Variants in AFF4 observed in about 807,000 individuals in gnomAD.
AFF4 encodes ALF transcription elongation factor 4.
Under a neutral mutation model 124.8 loss-of-function variants are expected in AFF4, and 13 were observed. The ratio of observed to expected loss-of-function variants is 0.10; its 90% confidence interval spans 0.07 to 0.17. The LOEUF (loss-of-function observed/expected upper bound fraction) is 0.17. Among genes scored for constraint, AFF4 ranks in the 10% least tolerant of loss-of-function variants. AFF4 has a pLI of 1.00. For synonymous variants in AFF4, 477 were observed against 496.1 expected (o/e 0.96, Z 0.51); for missense variants, 1,092 against 1,403.8 (o/e 0.78, Z 3.55).
chr5:132,945,583 C>T (rs969199457), intron 1 of AFF4: 3 of 152,212 alleles, frequency 2.0e-5, no homozygotes, highest in African/African-American at 7.2e-5. Context: ...GAAACCCCGT[C>T]TCCACTAAAA....
chr5:132,892,076 A>G (rs754196004), intron 13 of AFF4, 88 bp downstream of exon 13: 14 of 1,579,042 alleles, frequency 8.9e-6, no homozygotes, highest in Non-Finnish European at 1.0e-5. Flanking sequence ...CTGAGATGTT[A>G]CAATAATTTC....
intron 6 of AFF4, among the ~76,000 whole-genome samples, chr5:132,903,067 G>A (rs1026153496): frequency 4.6e-5 from 7 of 151,988 alleles, no homozygotes; most frequent in Admixed American, 3.9e-4. Flanking sequence ...ACAGCTTTCA[G>A]AAAAGAGAAT....
At chr5:132,929,380 G>C (rs1435362734) in intron 4 of AFF4, among the ~76,000 whole-genome samples, 1 of 152,128 alleles carries the variant, frequency 6.6e-6, no homozygotes, top group Non-Finnish European at 1.5e-5. Flanking sequence ...TAACATTAAA[G>C]AGATCATTAA....
chr5:132,932,093 G>A (rs910793896), intron 4 of AFF4, 85 bp downstream of exon 4: 2 of 901,508 alleles, frequency 2.2e-6, no homozygotes, highest in Middle Eastern at 2.8e-4. Context: ...CAGATCCTTT[G>A]TGAAATACAG....
chr5:132,960,089 C>A lies in AFF4; in HGVS notation c.-5+3170G>T, dbSNP rs938554907. Reference sequence around the variant, plus strand: ...GCTTTTCTTAAACCAAAGGAAAAAGCAGCAAGGTAACAGGTCAGGTTAGCT... The same window carrying A: ...GCTTTTCTTAAACCAAAGGAAAAAGAAGCAAGGTAACAGGTCAGGTTAGCT... On this transcript the variant is annotated intron_variant, in intron 1 of 20. Transcript: ENST00000265343. Among the ~76,000 whole-genome samples, 7 of 152,144 alleles carry A rather than the reference C, an allele frequency of 4.6e-5. No homozygotes were observed. The East Asian group carries it at 1.3e-3, about 29-fold the overall frequency.
rs1759899606 is a variant in AFF4, at chr5:132,878,755, A to C, written c.*2304T>G. 1 of 225,090 alleles carries C rather than the reference A, an allele frequency of 4.4e-6. No individual in the cohort carries two copies. Among genetic ancestry groups the C allele is most frequent in the Non-Finnish European group, 8.9e-6 (1 of 112,786 alleles). The allele number at this position is 225,090 out of a possible 1,614,324, so 13.9% of individuals were successfully genotyped here. On this transcript the variant is annotated 3_prime_UTR_variant, in exon 21 of 21. Coordinates refer to ENST00000265343, the MANE Select transcript of AFF4 (RefSeq NM_014423.4). ...ATTAGAGCAGCACCATAAACCATGC[A>C]GGAAACTCTGCTTTAACAAAATATC...
At chr5:132,939,574 A>G (rs941754390) in intron 1 of AFF4, among the ~76,000 whole-genome samples, 3 of 152,220 alleles carry the variant, frequency 2.0e-5, no homozygotes, top group African/African-American at 7.2e-5. Context: ...GTTAACTACC[A>G]GTTTCCTTAA....
chr5:132,962,242 G>T (rs912914110), intron 1 of AFF4, among the ~76,000 whole-genome samples: 3 of 152,290 alleles, frequency 2.0e-5, no homozygotes, highest in Non-Finnish European at 2.9e-5. Flanking sequence ...TCATATCTGA[G>T]CCCGAAAAAC....
At chr5:132,887,421 C>A in intron 17 of AFF4, 100 bp downstream of exon 17, 1 of 1,103,692 alleles carries the variant, frequency 9.1e-7, no homozygotes, top group South Asian at 1.4e-5. Context: ...GACAGGATTA[C>A]AGAAGTCTGA....
At position 132,934,376 on chromosome 5, in the gene AFF4, C is replaced by G. The variant is rs752414104; in HGVS notation, c.689G>C (p.Ser230Thr). Residue 230 changes from serine (S) to threonine (T), a missense_variant, in exon 3 of 21, where the codon AGT (serine) becomes ACT (threonine). Physicochemically the swap from Ser to Thr is moderately conservative, Grantham distance 58. Transcript: ENST00000265343. ...GAAAGATTGAGTTGAGTGCTGCCCACTTGAAAAAGGTACACGGGAAGGAGA... is the reference window on the plus strand; with the variant it reads ...GAAAGATTGAGTTGAGTGCTGCCCAGTTGAAAAAGGTACACGGGAAGGAGA... ...WDSPSRVPFS[S>T]GQHSTQSFPP... The G allele has an allele frequency of 3.1e-6, 5 of 1,613,984 alleles. No homozygotes were observed. The African/African-American group carries it at 6.7e-5, about 22-fold the overall frequency.
In AFF4 at chr5:132,875,928, G is replaced by A. The variant is rs1179298653; in HGVS notation, c.*5131C>T. 1 of 226,550 alleles carries A rather than the reference G, an allele frequency of 4.4e-6. No homozygotes were observed. Among genetic ancestry groups the A allele is most frequent in the Non-Finnish European group, 8.8e-6 (1 of 113,838 alleles). The allele number at this position is 226,550 out of a possible 1,614,324, so 14.0% of individuals were successfully genotyped here. On this transcript the variant is annotated 3_prime_UTR_variant, in exon 21 of 21. Transcript: ENST00000265343. ...ACAGTACCTTTCTGCAAAATCAACA[G>A]GCTTTTAATTTATCAGTGACATTAT... is the stretch of plus-strand genomic sequence containing the variant.
At chr5:132,956,333 G>GAA (rs1761957289) in intron 1 of AFF4, among the ~76,000 whole-genome samples, 1 of 152,106 alleles carries the variant, frequency 6.6e-6, no homozygotes, top group South Asian at 2.1e-4. Context: ...TATGGACATT[G>GAA]AAATCTGAGT....
At chr5:132,898,987 A>C in intron 9 of AFF4, 117 bp downstream of exon 9, 5 of 902,360 alleles carry the variant, frequency 5.5e-6, no homozygotes, top group Non-Finnish European at 8.6e-6. Context: ...AATTTACAGA[A>C]TTGTACAACC....
At chr5:132,886,481 T>C in intron 17 of AFF4, 78 bp from the exon 18 acceptor site, 1 of 1,291,682 alleles carries the variant, frequency 7.7e-7, no homozygotes, top group Non-Finnish European at 1.1e-6. Flanking sequence ...CTTTGCATTG[T>C]GCAGGAGACT....
intron 1 of AFF4, among the ~76,000 whole-genome samples, chr5:132,952,196 C>G (rs1027990533): frequency 5.3e-5 from 8 of 152,206 alleles, no homozygotes; most frequent in Non-Finnish European, 7.3e-5. Flanking sequence ...TTAGTAGATA[C>G]AGCCAAATTA....
At chr5:132,907,262 G>A (rs893795526) in intron 5 of AFF4, among the ~76,000 whole-genome samples, 1 of 152,036 alleles carries the variant, frequency 6.6e-6, no homozygotes, top group Non-Finnish European at 1.5e-5. Context: ...ACAGCCTGTA[G>A]AAGTTTACCC....
intron 13 of AFF4, among the ~76,000 whole-genome samples, chr5:132,891,460 T>C (rs993037517): frequency 3.3e-5 from 5 of 152,172 alleles, no homozygotes; most frequent in Non-Finnish European, 5.9e-5. Context: ...CAAATTGAGG[T>C]TGAGTGACTA....
rs115335548 is a variant in AFF4 at position 132,889,294 on chromosome 5, T to C, written c.2638-121A>G. The C allele has an allele frequency of 6.0e-4, 398 of 658,742 alleles. 2 individuals carry two copies. The African/African-American group carries it at 6.5e-3, about 11-fold the overall frequency. The allele number at this position is 658,742 out of a possible 1,614,324, so 40.8% of individuals were successfully genotyped here. ...ATTTCATTGCCTTTCATAATGAATT[T>C]CCTTGTTACAAAACTTTTATAAACT... On this transcript the variant is annotated intron_variant, in intron 13 of 20. Coordinates refer to ENST00000265343, the MANE Select transcript of AFF4 (RefSeq NM_014423.4).
At chr5:132,897,342 T>A (rs1478069720) in intron 10 of AFF4, 102 bp from the exon 11 acceptor site, 1 of 1,245,612 alleles carries the variant, frequency 8.0e-7, no homozygotes, top group Admixed American at 2.2e-5. Context: ...CAATGCCTAA[T>A]GCAACAAAAG....
Sources: gnomAD v4.1 joint callset for allele counts (sites outside exome capture counted in the v4.1 genomes callset) on GRCh38, gnomAD v4.1.1 for gene constraint, MANE v1.5 for transcripts, NCBI Gene and HGNC (gene_info 2026-07-23, HGNC 2026-07-21) for gene names.